The following UTRN variants were observed in gnomAD, a reference collection of about 807,000 sequenced individuals.
The protein encoded by UTRN is utrophin, also known as dystrophin-related protein 1.
A neutral mutation model predicts 463.9 loss-of-function variants in UTRN; 283 were observed. That is an observed-to-expected ratio of 0.61 (90% confidence interval 0.55 to 0.67). The LOEUF (loss-of-function observed/expected upper bound fraction) is 0.67. Among genes scored for constraint, UTRN ranks in the 30% least tolerant of loss-of-function variants. The pLI is 0.00. For missense variants in UTRN, 3,922 were observed against 4,084.3 expected, an observed-to-expected ratio of 0.96 and a Z score of 1.08; for synonymous variants, 1,442 against 1,431.5, an observed-to-expected ratio of 1.01 and a Z score of -0.17.
intron 73 of UTRN, among the ~76,000 whole-genome samples, chr6:144,841,160 A>C (rs1199179472): frequency 1.3e-5 from 2 of 152,248 alleles, no homozygotes; most frequent in Non-Finnish European, 2.9e-5. Flanking sequence ...TAAGGAACAC[A>C]TCTTAGTTCA....
intron 51 of UTRN, among the ~76,000 whole-genome samples, chr6:144,657,959 A>G (rs1779500668): frequency 6.6e-6 from 1 of 151,912 alleles, no homozygotes; most frequent in Non-Finnish European, 1.5e-5. Context: ...TAAAAAGTTT[A>G]TTTGCTGCTC....
chr6:144,732,713 G>A (rs181098160), intron 54 of UTRN, among the ~76,000 whole-genome samples: 2 of 149,444 alleles, frequency 1.3e-5, no homozygotes, highest in African/African-American at 2.5e-5. Context: ...GTTATGTTAT[G>A]TTATGTTATG....
At chr6:144,503,854 G>C (rs1295451979) in intron 34 of UTRN, among the ~76,000 whole-genome samples, 1 of 152,020 alleles carries the variant, frequency 6.6e-6, no homozygotes, top group African/African-American at 2.4e-5. Context: ...CATTTTCACA[G>C]TATTGATTCT....
intron 46 of UTRN, among the ~76,000 whole-genome samples, chr6:144,545,945 A>G (rs9321979): frequency 0.28 from 42,013 of 152,110 alleles, 6,305 homozygotes; most frequent in East Asian, 0.6. Flanking sequence ...GCCTGAACCC[A>G]GGAGGTGGAG....
intron 56 of UTRN, among the ~76,000 whole-genome samples, chr6:144,754,074 C>A (rs572602090): frequency 3.9e-5 from 6 of 152,094 alleles, no homozygotes; most frequent in African/African-American, 1.4e-4. Context: ...ATCCTTCTAA[C>A]TATCCACTAT....
rs1048634595 is a variant in UTRN at position 144,728,874 on chromosome 6, T to C, written c.7810-1483T>C. The stretch of plus-strand genomic sequence containing the variant: ...AATGCTTACACACAAAAAAATAGCA[T>C]TTTTGTCACTCCGTCTCTCACTAGT... On this transcript the variant is annotated intron_variant, in intron 53 of 74. Coordinates refer to ENST00000367545, the MANE Select transcript of UTRN (RefSeq NM_007124.3). Among the ~76,000 whole-genome samples, 7 of 152,284 alleles carry C rather than the reference T, an allele frequency of 4.6e-5. No individual in the cohort carries two copies. The South Asian group carries it at 1.2e-3, about 27-fold the overall frequency.
At chr6:144,439,250 G>A (rs771790873) in intron 12 of UTRN, among the ~76,000 whole-genome samples, 14 of 152,156 alleles carry the variant, frequency 9.2e-5, no homozygotes, top group East Asian at 1.9e-4. Context: ...TCAGGAAAGC[G>A]TCAGGCATTA....
At chr6:144,816,016 C>T (rs549760819) in intron 65 of UTRN, among the ~76,000 whole-genome samples, 2 of 152,328 alleles carry the variant, frequency 1.3e-5, no homozygotes, top group East Asian at 3.8e-4. Context: ...TATGTGCCTC[C>T]TATAACACTG....
chr6:144,312,320 AG>A (rs1306104217), intron 2 of UTRN, among the ~76,000 whole-genome samples: 1 of 151,874 alleles, frequency 6.6e-6, no homozygotes, highest in African/African-American at 2.4e-5. Flanking sequence ...GCTACTCGGA[AG>A]GCTGAGGCAG....
chr6:144,833,798 T>TA (rs1322202445), intron 69 of UTRN, among the ~76,000 whole-genome samples: 1 of 152,196 alleles, frequency 6.6e-6, no homozygotes, highest in East Asian at 1.9e-4. Context: ...ACATTAGTCT[T>TA]ACAGCTTGCT....
chr6:144,475,072 A>G (rs1037549386), intron 25 of UTRN, among the ~76,000 whole-genome samples: 3 of 152,194 alleles, frequency 2.0e-5, no homozygotes, highest in Non-Finnish European at 4.4e-5. Context: ...TTTCTTAATC[A>G]GTTGCCACCT....
At chr6:144,593,186 C>G (rs903540885) in intron 51 of UTRN, among the ~76,000 whole-genome samples, 2 of 152,004 alleles carry the variant, frequency 1.3e-5, no homozygotes, top group African/African-American at 4.8e-5. Flanking sequence ...GCGCAATGAA[C>G]AAAGAATTGA....
In UTRN at chr6:144,850,999, G is replaced by C; in HGVS notation, c.*2G>C. The stretch of plus-strand genomic sequence containing the variant: ...TTTCCCTTCCCATAGGCAATGTGAA[G>C]TATTCATCCGGCCAACCAATGTTTC... On this transcript the variant is annotated 3_prime_UTR_variant, in exon 75 of 75. Coordinates refer to ENST00000367545, the MANE Select transcript of UTRN (RefSeq NM_007124.3). The C allele has an allele frequency of 1.2e-6, 2 of 1,613,636 alleles. No individual in the cohort carries two copies. Among genetic ancestry groups the C allele is most frequent in the Non-Finnish European group, 1.7e-6 (2 of 1,179,628 alleles).
At chr6:144,610,879 AAAACCAAACC>A (rs150533802) in intron 51 of UTRN, among the ~76,000 whole-genome samples, 1 of 152,222 alleles carries the variant, frequency 6.6e-6, no homozygotes, top group African/African-American at 2.4e-5. Flanking sequence ...TTGTTTCAAA[AAAACCAAACC>A]AAACCAAACC....
At chr6:144,588,283 C>A (rs1226812197) in intron 51 of UTRN, among the ~76,000 whole-genome samples, 1 of 152,088 alleles carries the variant, frequency 6.6e-6, no homozygotes, top group Admixed American at 6.6e-5. Flanking sequence ...TATGTGTTGT[C>A]AAAATTATGT....
rs35979217 is a variant in UTRN, at chr6:144,722,320, G to GT, written c.7810-8026dup. On this transcript the variant is annotated intron_variant, in intron 53 of 74. Coordinates refer to ENST00000367545, the MANE Select transcript of UTRN (RefSeq NM_007124.3). Reference sequence around the variant, plus strand: ...TGCCTTGCTCCCTCACTTCCCTCCGGTTTTTTTTTTTAAATATCGCTGTCT... The same window carrying GT: ...TGCCTTGCTCCCTCACTTCCCTCCGGTTTTTTTTTTTTAAATATCGCTGTCT... Among the ~76,000 whole-genome samples the GT allele has an allele frequency of 2.4e-3, 346 of 146,014 alleles. 1 individual carries two copies. In the East Asian group the frequency reaches 0.038, roughly 16 times the overall value.
chr6:144,806,469 T>C (rs1470883835), intron 65 of UTRN, among the ~76,000 whole-genome samples: 1 of 152,212 alleles, frequency 6.6e-6, no homozygotes, highest in East Asian at 1.9e-4. Flanking sequence ...CATTTGACCC[T>C]ACAACTTTTT....
intron 54 of UTRN, among the ~76,000 whole-genome samples, chr6:144,740,033 G>A (rs989505223): frequency 3.3e-5 from 5 of 152,100 alleles, no homozygotes; most frequent in African/African-American, 1.2e-4. Context: ...TTGTTTAATT[G>A]CATTCTCATA....
At chr6:144,420,978 A>G (rs1245434170) in intron 3 of UTRN, among the ~76,000 whole-genome samples, 2 of 152,074 alleles carry the variant, frequency 1.3e-5, no homozygotes, top group Admixed American at 6.5e-5. Context: ...ACTTTACTGT[A>G]TATTTGTGTG....
Sources: allele counts gnomAD v4.1 joint callset (sites outside exome capture counted in the v4.1 genomes callset), GRCh38; gene constraint gnomAD v4.1.1; transcripts MANE v1.5; gene names NCBI Gene and HGNC (gene_info 2026-07-23, HGNC 2026-07-21).